NKD1: variants seen among roughly 807,000 people sequenced by gnomAD.
NKD1 encodes NKD inhibitor of Wnt signaling pathway 1.
NKD1 carries 21 observed loss-of-function variants against 56.0 expected under a neutral mutation model. The ratio of observed to expected loss-of-function variants is 0.38; its 90% CI spans 0.27 to 0.54. The LOEUF (loss-of-function observed/expected upper bound fraction) is 0.54, where lower values mean the gene tolerates loss of function less well. Ranked by LOEUF, NKD1 falls within the 20% of genes least tolerant of loss-of-function variation. NKD1 has a pLI of 0.82. For synonymous variants in NKD1, 263 were observed against 265.7 expected (o/e 0.99, Z 0.10); for missense variants, 578 against 642.7 (o/e 0.90, Z 1.09).
intron 3 of NKD1, among the ~76,000 whole-genome samples, chr16:50,590,138 C>T (rs1961332079): frequency 6.6e-6 from 1 of 152,172 alleles, no homozygotes. Context: ...AGCCACTGTG[C>T]CTGGCCCTGA....
At chr16:50,564,094 C>T (rs1211716578) in intron 3 of NKD1, among the ~76,000 whole-genome samples, 4 of 152,260 alleles carry the variant, frequency 2.6e-5, no homozygotes, top group Admixed American at 2.6e-4. Context: ...ACAGGAAGTA[C>T]TGGTTAACCG....
At chr16:50,607,162 T>G (rs1278906217) in intron 3 of NKD1, 1 of 362,846 alleles carries the variant, frequency 2.8e-6, no homozygotes, top group African/African-American at 2.1e-5. Context: ...CTAGAAAGAT[T>G]TGAAAGAAGA....
chr16:50,590,638 G>A (rs1220727335), intron 3 of NKD1, among the ~76,000 whole-genome samples: 1 of 152,206 alleles, frequency 6.6e-6, no homozygotes, highest in African/African-American at 2.4e-5. Context: ...TACAGAGGAG[G>A]AAACTAAGGT....
intron 3 of NKD1, among the ~76,000 whole-genome samples, chr16:50,593,582 A>G (rs1433840183): frequency 6.6e-6 from 1 of 152,062 alleles, no homozygotes; most frequent in Non-Finnish European, 1.5e-5. Context: ...ACCAGTCCCC[A>G]TGGCTGGCGT....
chr16:50,584,476 T>G (rs1021753329), intron 3 of NKD1, among the ~76,000 whole-genome samples: 1 of 152,222 alleles, frequency 6.6e-6, no homozygotes, highest in Non-Finnish European at 1.5e-5. Flanking sequence ...CCATAGGTCC[T>G]AGAATTGGGC....
intron 4 of NKD1, among the ~76,000 whole-genome samples, chr16:50,610,936 C>T (rs575566348): frequency 1.3e-5 from 2 of 152,254 alleles, no homozygotes; most frequent in East Asian, 3.9e-4. Flanking sequence ...TGAGGTGAGG[C>T]TTTCGTGGGG....
intron 2 of NKD1, among the ~76,000 whole-genome samples, chr16:50,549,154 C>T (rs549096027): frequency 1.3e-5 from 2 of 151,320 alleles, no homozygotes; most frequent in South Asian, 4.3e-4. Context: ...TCCTGGCTGC[C>T]AGTGCTCCCT....
intron 3 of NKD1, among the ~76,000 whole-genome samples, chr16:50,578,113 G>A (rs1030633808): frequency 6.6e-6 from 1 of 152,176 alleles, no homozygotes; most frequent in Non-Finnish European, 1.5e-5. Flanking sequence ...GTGACTTAGT[G>A]GTCCAGGCTC....
At position 50,573,657 on chromosome 16, in the gene NKD1, G is replaced by C. The variant is rs1387373687; in HGVS notation, c.192+24102G>C. On this transcript the variant is annotated intron_variant, in intron 3 of 9. Coordinates refer to ENST00000268459, the MANE Select transcript of NKD1 (RefSeq NM_033119.5). ...TACCGCTTCCTGAGGGCTAGGAGGA[G>C]GGTCGCACCCTCTCTGAGCTTAGCC... is the stretch of plus-strand genomic sequence containing the variant. Among the ~76,000 whole-genome samples the C allele has an allele frequency of 2.0e-5, 3 of 152,344 alleles. No individual in the cohort carries two copies. The East Asian group carries it at 5.8e-4, about 29-fold the overall frequency.
intron 4 of NKD1, among the ~76,000 whole-genome samples, chr16:50,617,660 G>A (rs16948686): frequency 0.042 from 6,405 of 152,198 alleles, 427 homozygotes; most frequent in African/African-American, 0.14. Context: ...TCCAAAGAGA[G>A]GGAACTCCAC....
intron 3 of NKD1, among the ~76,000 whole-genome samples, chr16:50,597,097 G>A (rs557558057): frequency 9.2e-5 from 14 of 152,268 alleles, no homozygotes; most frequent in South Asian, 6.2e-4. Flanking sequence ...GGGTGGCGAC[G>A]AGGGCAGAGA....
At chr16:50,614,619 C>A (rs182011202) in intron 4 of NKD1, among the ~76,000 whole-genome samples, 89 of 152,250 alleles carry the variant, frequency 5.8e-4, no homozygotes, top group Admixed American at 2.5e-3. Flanking sequence ...CTTTACTGGT[C>A]ACTTGACCAG....
At chr16:50,624,294 C>T (rs1389968600) in intron 5 of NKD1, among the ~76,000 whole-genome samples, 1 of 152,194 alleles carries the variant, frequency 6.6e-6, no homozygotes, top group African/African-American at 2.4e-5. Flanking sequence ...GACACTCAGC[C>T]AGCCTCTGCA....
At chr16:50,574,573 G>A in intron 3 of NKD1, 1 of 985,396 alleles carries the variant, frequency 1.0e-6, no homozygotes, top group Non-Finnish European at 1.2e-6. Flanking sequence ...GATTGATCTT[G>A]TTGGAGTTCA....
intron 3 of NKD1, among the ~76,000 whole-genome samples, chr16:50,605,394 C>G (rs1287165702): frequency 6.6e-6 from 1 of 152,216 alleles, no homozygotes; most frequent in Non-Finnish European, 1.5e-5. Context: ...TAATAAGCAT[C>G]TATTTCTTGA....
At chr16:50,597,066 T>C (rs1016664413) in intron 3 of NKD1, among the ~76,000 whole-genome samples, 3 of 151,644 alleles carry the variant, frequency 2.0e-5, no homozygotes, top group Non-Finnish European at 2.9e-5. Context: ...GGTGGGACTT[T>C]GGGGAATTGG....
intron 3 of NKD1, chr16:50,571,020 C>T: frequency 1.0e-6 from 1 of 984,406 alleles, no homozygotes; most frequent in South Asian, 4.7e-5. Flanking sequence ...GTGCACCTGT[C>T]CCGCTGTCAG....
At chr16:50,574,949 A>G in intron 3 of NKD1, 1 of 975,288 alleles carries the variant, frequency 1.0e-6, no homozygotes, top group Non-Finnish European at 1.2e-6. Flanking sequence ...TTTAAACATC[A>G]GAATTGGCTT....
In NKD1 at chr16:50,598,992, G is replaced by A. The variant is rs1392987568; in HGVS notation, c.193-9302G>A. Among the ~76,000 whole-genome samples, 2 of 152,004 alleles carry A rather than the reference G, an allele frequency of 1.3e-5. No homozygotes were observed. Among genetic ancestry groups the A allele is most frequent in the Non-Finnish European group, 2.9e-5 (2 of 67,996 alleles). On this transcript the variant is annotated intron_variant, in intron 3 of 9. Coordinates refer to ENST00000268459, the MANE Select transcript of NKD1 (RefSeq NM_033119.5). This position sits in a 1 kb window ranked among gnomAD's most constrained non-coding sequence, Gnocchi z 4.2. ...AGTGGCTTAGAGAGGTCAGTGGTGG[G>A]TGGGAAGGCCGTGTGTGTGTGGTCA...
Sources: gnomAD v4.1 joint callset for allele counts (sites outside exome capture counted in the v4.1 genomes callset) on GRCh38, gnomAD v4.1.1 for gene constraint, Gnocchi (gnomAD v3.1) non-coding constraint, MANE v1.5 for transcripts, NCBI Gene and HGNC (gene_info 2026-07-23, HGNC 2026-07-21) for gene names.